The following KIRREL3 variants were observed in gnomAD, a reference collection of about 807,000 sequenced individuals.
KIRREL3 encodes kirre like nephrin family adhesion molecule 3, also known as kin of IRRE-like protein 3.
In KIRREL3, 36 loss-of-function variants were observed where a neutral mutation model predicts 89.7. That is an observed-to-expected ratio of 0.40 (90% CI 0.31 to 0.53). The LOEUF is 0.53. KIRREL3 is among the 20% of genes least tolerant of loss of function. The probability of loss-of-function intolerance (pLI) is 0.49; values close to 1 mark genes in which losing one functional copy is unlikely to be tolerated. For synonymous variants in KIRREL3, 445 were observed against 441.4 expected, an observed-to-expected ratio of 1.01 and a Z score of -0.10; for missense variants, 864 against 1,056.6, an observed-to-expected ratio of 0.82 and a Z score of 2.53.
chr11:126,762,651 T>C (rs1949700805), intron 1 of KIRREL3, among the ~76,000 whole-genome samples: 1 of 152,186 alleles, frequency 6.6e-6, no homozygotes, highest in African/African-American at 2.4e-5. Flanking sequence ...GAAATGGAAA[T>C]CAGGCTCTTC....
rs1406957797 is a variant in KIRREL3 at position 126,943,568 on chromosome 11, G to A, written c.55+56887C>T. Among the ~76,000 whole-genome samples, 1 of 152,190 alleles carries A rather than the reference G, an allele frequency of 6.6e-6. No individual in the cohort carries two copies. The highest frequency in any genetic ancestry group is 2.4e-5 in the African/African-American group (1 of 41,454). On this transcript the variant is annotated intron_variant, in intron 1 of 16. Coordinates refer to ENST00000525144, the MANE Select transcript of KIRREL3 (RefSeq NM_032531.4). This position sits in a 1 kb window ranked among gnomAD's most constrained non-coding sequence, Gnocchi z 4.2. ...ACAAGATTAAATCAGCAGACTGAAC[G>A]ATAAATGAACAGTAATGCATTCATA...
Position 126,918,998 on chromosome 11 carries a change from A to ATT in KIRREL3, c.55+81455_55+81456dup, listed in dbSNP as rs1947158210. The stretch of plus-strand genomic sequence containing the variant: ...TACATCATATTATATTATTATTTGT[A>ATT]TTATATATATGTATATATGTATTAT... On this transcript the variant is annotated intron_variant, in intron 1 of 16. Coordinates refer to ENST00000525144, the MANE Select transcript of KIRREL3 (RefSeq NM_032531.4). The surrounding 1 kb of genome is among the most constrained non-coding windows in gnomAD (Gnocchi z 6.5). 2.7e-5 allele frequency among the ~76,000 whole-genome samples: 4 copies of ATT among 149,552 alleles called. No homozygotes were observed. The highest frequency in any genetic ancestry group is 5.9e-5 in the Non-Finnish European group (4 of 67,508).
At chr11:126,749,126 A>G (rs1565700306) in intron 1 of KIRREL3, among the ~76,000 whole-genome samples, 2 of 151,908 alleles carry the variant, frequency 1.3e-5, no homozygotes, top group Non-Finnish European at 2.9e-5. Context: ...TGTGCTTTCC[A>G]TCTCCCGCTC....
intron 1 of KIRREL3, among the ~76,000 whole-genome samples, chr11:126,616,424 ACC>A (rs1943353472): frequency 6.6e-6 from 1 of 151,160 alleles, no homozygotes; most frequent in Admixed American, 6.6e-5. Flanking sequence ...TTCAGTCATG[ACC>A]CTCCTGTTAG....
chr11:126,599,006 G>A (rs753776924), intron 1 of KIRREL3, among the ~76,000 whole-genome samples: 2 of 152,170 alleles, frequency 1.3e-5, no homozygotes, highest in Non-Finnish European at 2.9e-5. Flanking sequence ...CCTGCCTTCC[G>A]ACTTCAATGG....
chr11:126,786,955 C>G (rs777568655), intron 1 of KIRREL3, among the ~76,000 whole-genome samples: 8 of 152,190 alleles, frequency 5.3e-5, no homozygotes, highest in Non-Finnish European at 8.8e-5. Flanking sequence ...GCTGCTATTC[C>G]TGCAAGCAGG....
chr11:126,959,113 T>A (rs1793664), intron 1 of KIRREL3, among the ~76,000 whole-genome samples: 134,313 of 151,838 alleles, frequency 0.88, 59,535 homozygotes, highest in Middle Eastern at 0.96. Flanking sequence ...ACACCAGTGT[T>A]TCCCTGCCTA....
chr11:126,465,401 C>T (rs549700359), intron 5 of KIRREL3, among the ~76,000 whole-genome samples: 113 of 152,312 alleles, frequency 7.4e-4, no homozygotes, highest in African/African-American at 2.6e-3. Flanking sequence ...TGAGCCACAG[C>T]CTCTGCTGCA....
chr11:126,856,422 C>T (rs1489114541), intron 1 of KIRREL3, among the ~76,000 whole-genome samples: 1 of 151,630 alleles, frequency 6.6e-6, no homozygotes, highest in Admixed American at 6.6e-5. Flanking sequence ...TATGATTTAA[C>T]GTAAATGTAA....
At position 126,970,928 on chromosome 11, in the gene KIRREL3, G is replaced by C. The variant is rs1047549780; in HGVS notation, c.55+29527C>G. Among the ~76,000 whole-genome samples the C allele has an allele frequency of 6.6e-6, 1 of 152,194 alleles. No homozygotes were observed. The highest frequency in any genetic ancestry group is 2.4e-5 in the African/African-American group (1 of 41,442). On this transcript the variant is annotated intron_variant, in intron 1 of 16. Coordinates refer to ENST00000525144, the MANE Select transcript of KIRREL3 (RefSeq NM_032531.4). The surrounding 1 kb of genome is among the most constrained non-coding windows in gnomAD (Gnocchi z 4.4). ...AACAGAAGCACATGGCGGTGCTATG[G>C]CTTCTCCCCCACCCACCAGTCTCCC...
At chr11:126,833,891 C>G (rs1943692535) in intron 1 of KIRREL3, among the ~76,000 whole-genome samples, 1 of 152,128 alleles carries the variant, frequency 6.6e-6, no homozygotes, top group South Asian at 2.1e-4. Context: ...GAATTAACAC[C>G]CTGCTGCTTC....
rs1382690537 is a variant in KIRREL3, at chr11:126,769,666, C to T, written c.56-206754G>A. Among the ~76,000 whole-genome samples the T allele has an allele frequency of 6.6e-6, 1 of 152,144 alleles. No individual in the cohort carries two copies. The highest frequency in any genetic ancestry group is 6.5e-5 in the Admixed American group (1 of 15,288). On this transcript the variant is annotated intron_variant, in intron 1 of 16. Coordinates refer to ENST00000525144, the MANE Select transcript of KIRREL3 (RefSeq NM_032531.4). This position sits in a 1 kb window ranked among gnomAD's most constrained non-coding sequence, Gnocchi z 4.3. Reference sequence around the variant, plus strand: ...TGATTTCTGAATATCCTGCACAATGCTAGGCCCTGTGAAGGACAAGCAAGC... The same window carrying T: ...TGATTTCTGAATATCCTGCACAATGTTAGGCCCTGTGAAGGACAAGCAAGC...
At chr11:126,600,723 A>G (rs1253118512) in intron 1 of KIRREL3, among the ~76,000 whole-genome samples, 1 of 152,252 alleles carries the variant, frequency 6.6e-6, no homozygotes, top group Non-Finnish European at 1.5e-5. Flanking sequence ...TACTAGGAAT[A>G]TAAGTAAAAT....
intron 11 of KIRREL3, among the ~76,000 whole-genome samples, chr11:126,439,068 C>A (rs998239336): frequency 6.6e-6 from 1 of 152,198 alleles, no homozygotes; most frequent in South Asian, 2.1e-4. Context: ...TGAGATCCCT[C>A]CAGTTTTAGA....
rs1939833731 is a variant in KIRREL3, at chr11:126,558,061, C to T, written c.133+4774G>A. Reference sequence around the variant, plus strand: ...CAGACATCATTGCAATGCTGAAAGTCCACGGAAACCGACACCCACCCTGAT... The same window carrying T: ...CAGACATCATTGCAATGCTGAAAGTTCACGGAAACCGACACCCACCCTGAT... On this transcript the variant is annotated intron_variant, in intron 2 of 16. Coordinates refer to ENST00000525144, the MANE Select transcript of KIRREL3 (RefSeq NM_032531.4). The surrounding 1 kb of genome is among the most constrained non-coding windows in gnomAD (Gnocchi z 4.0). 6.6e-6 allele frequency among the ~76,000 whole-genome samples: 1 copy of T among 152,214 alleles called. No individual in the cohort carries two copies. The highest frequency in any genetic ancestry group is 6.5e-5 in the Admixed American group (1 of 15,290).
Position 126,448,279 on chromosome 11 carries a change from C to CAAAAAAAAAA in KIRREL3, c.997+720_997+729dup, listed in dbSNP as rs55787866. Among the ~76,000 whole-genome samples, 46 of 95,062 alleles carry CAAAAAAAAAA rather than the reference C, an allele frequency of 4.8e-4. 1 individual carries two copies. Among genetic ancestry groups the CAAAAAAAAAA allele is most frequent in the Non-Finnish European group, 6.9e-4 (33 of 47,904 alleles). The allele number at this position is 95,062 out of a possible 152,430, so 62.4% of individuals were successfully genotyped here. On this transcript the variant is annotated intron_variant, in intron 8 of 16. Coordinates refer to ENST00000525144, the MANE Select transcript of KIRREL3 (RefSeq NM_032531.4). ...GCCTGGTGGCAGAGTGAGACTGTCT[C>CAAAAAAAAAA]AAAAAAAAAAAAAAAAAAAAAAGAA...
rs1215342409 is a variant in KIRREL3 at position 126,946,300 on chromosome 11, T to C, written c.55+54155A>G. Among the ~76,000 whole-genome samples the C allele has an allele frequency of 6.6e-6, 1 of 152,196 alleles. No homozygotes were observed. Among genetic ancestry groups the C allele is most frequent in the Non-Finnish European group, 1.5e-5 (1 of 68,034 alleles). The stretch of plus-strand genomic sequence containing the variant: ...GACTCTGCTACTAGCCAGCCACTCT[T>C]GTCATCTGGAAGGGAAGATTTGGTT... On this transcript the variant is annotated intron_variant, in intron 1 of 16. Coordinates refer to ENST00000525144, the MANE Select transcript of KIRREL3 (RefSeq NM_032531.4). This position sits in a 1 kb window ranked among gnomAD's most constrained non-coding sequence, Gnocchi z 4.1.
At chr11:126,693,200 C>T (rs1946947471) in intron 1 of KIRREL3, among the ~76,000 whole-genome samples, 1 of 152,220 alleles carries the variant, frequency 6.6e-6, no homozygotes, top group Non-Finnish European at 1.5e-5. Context: ...AGGCAGACTG[C>T]CTGAGATCAG....
chr11:126,637,886 T>G, intron 1 of KIRREL3, among the ~76,000 whole-genome samples: 1 of 152,144 alleles, frequency 6.6e-6, no homozygotes, highest in East Asian at 1.9e-4. Context: ...GACTAGCAAG[T>G]AAACCGATGA....
Sources: gnomAD v4.1 joint callset for allele counts (sites outside exome capture counted in the v4.1 genomes callset) on GRCh38, gnomAD v4.1.1 for gene constraint, Gnocchi (gnomAD v3.1) non-coding constraint, MANE v1.5 for transcripts, NCBI Gene and HGNC (gene_info 2026-07-23, HGNC 2026-07-21) for gene names.